RCC1L: variants seen among roughly 807,000 people sequenced by gnomAD.
RCC1L encodes the protein RCC1 like, also known as RCC1-like G exchanging factor-like protein.
Under a neutral mutation model 58.6 loss-of-function variants are expected in RCC1L, and 46 were observed. The ratio of observed to expected loss-of-function variants is 0.79; its 90% confidence interval spans 0.62 to 1.00. The LOEUF is 1.00. Among genes scored for constraint, RCC1L ranks in the 50% least tolerant of loss-of-function variants. The pLI is 0.00. For synonymous variants in RCC1L, 281 were observed against 262.9 expected, an observed-to-expected ratio of 1.07 and a Z score of -0.67; for missense variants, 636 against 623.6, an observed-to-expected ratio of 1.02 and a Z score of -0.21.
intron 9 of RCC1L, among the ~76,000 whole-genome samples, chr7:75,054,685 G>A (rs1806021030): frequency 6.6e-6 from 1 of 152,194 alleles, no homozygotes; most frequent in Admixed American, 6.5e-5. Context: ...GGGAGGCTGA[G>A]GCAGGAGAAT....
At chr7:75,044,541 G>A (rs1563072219) in intron 10 of RCC1L, among the ~76,000 whole-genome samples, 1 of 139,268 alleles carries the variant, frequency 7.2e-6, no homozygotes, top group South Asian at 2.5e-4. Flanking sequence ...GGAGGTTGCA[G>A]TGAGCTGAGA....
At chr7:75,051,451 G>C (rs1805914043) in intron 10 of RCC1L, among the ~76,000 whole-genome samples, 1 of 150,104 alleles carries the variant, frequency 6.7e-6, no homozygotes, top group East Asian at 2.0e-4. Flanking sequence ...TCCCTCTGTT[G>C]CCCAGGCTGG....
chr7:75,071,952 T>A (rs1171284335), intron 1 of RCC1L, among the ~76,000 whole-genome samples: 2 of 150,734 alleles, frequency 1.3e-5, no homozygotes, highest in African/African-American at 4.9e-5. Context: ...CCTGTCTCTA[T>A]GAAAAAATCA....
At chr7:75,045,100 C>T (rs1805680075) in intron 10 of RCC1L, among the ~76,000 whole-genome samples, 1 of 152,130 alleles carries the variant, frequency 6.6e-6, no homozygotes, top group Admixed American at 6.5e-5. Context: ...GCTTAACCTC[C>T]TGGGCTCAAG....
At chr7:75,039,335 T>G (rs1805494574), downstream of RCC1L, among the ~76,000 whole-genome samples, 1 of 152,230 alleles carries the variant, frequency 6.6e-6, no homozygotes, top group African/African-American at 2.4e-5. Context: ...GCCTTCTCTT[T>G]AGGGCATTAT....
chr7:75,041,503 G>A (rs1183764189), downstream of RCC1L, among the ~76,000 whole-genome samples: 3 of 152,244 alleles, frequency 2.0e-5, no homozygotes, highest in African/African-American at 7.2e-5. Context: ...TCCAGCCTGT[G>A]ACATGAGTAC....
At chr7:75,071,021 A>G (rs1298206951) in intron 1 of RCC1L, among the ~76,000 whole-genome samples, 1 of 152,020 alleles carries the variant, frequency 6.6e-6, no homozygotes, top group African/African-American at 2.4e-5. Flanking sequence ...ACGTCTGGCT[A>G]ACTTCTGTAT....
chr7:75,055,077 G>T (rs939049535), intron 9 of RCC1L, among the ~76,000 whole-genome samples: 5 of 152,200 alleles, frequency 3.3e-5, no homozygotes, highest in Non-Finnish European at 1.5e-5. Context: ...AACCAAAGAT[G>T]ACACCAACTG....
chr7:75,070,232 TCTATTTCTTTG>T (rs1806670543), intron 2 of RCC1L, among the ~76,000 whole-genome samples: 5 of 152,312 alleles, frequency 3.3e-5, no homozygotes, highest in Admixed American at 3.3e-4. Context: ...TAAGTCTTCC[TCTATTTCTTTG>T]CTATTTCTTT....
rs1025276945 is a variant in RCC1L at position 75,036,560 on chromosome 7, G to T, written c.1318-8481C>A. The stretch of plus-strand genomic sequence containing the variant: ...GCTCCTGGCATACAGTACGTGCTGA[G>T]GAGCACGTGGTTTATCAATCATCTT... On this transcript the variant is annotated intron_variant, in intron 10 of 10. Transcript: ENST00000614461. Among the ~76,000 whole-genome samples, 9 of 152,190 alleles carry T rather than the reference G, an allele frequency of 5.9e-5. No individual in the cohort carries two copies. The South Asian group carries it at 1.9e-3, about 32-fold the overall frequency.
intron 10 of RCC1L, among the ~76,000 whole-genome samples, chr7:75,050,529 G>A (rs1386744937): frequency 6.6e-6 from 1 of 152,176 alleles, no homozygotes; most frequent in Admixed American, 6.5e-5. Context: ...ACCCTCGTCA[G>A]CGTTCTTTCA....
chr7:75,051,053 C>T (rs1805887715), intron 10 of RCC1L, among the ~76,000 whole-genome samples: 1 of 151,876 alleles, frequency 6.6e-6, no homozygotes, highest in African/African-American at 2.4e-5. Context: ...GTGATCACAT[C>T]ACTGCAATCC....
rs1805613771 is a variant in RCC1L, at chr7:75,043,076, A to G, written c.1351T>C (p.Cys451Arg). Residue 451 changes from cysteine to arginine, a missense_variant, in exon 11 of 11, where the codon TGT becomes CGT. Physicochemically the swap from Cys to Arg is radical, Grantham distance 180. Transcript: ENST00000610322. ...AGGGTCACCATGTGGTCCACGCCAC[A>G]TGCCACGTCCACAGGCTCCCCAGGC... is the stretch of plus-strand genomic sequence containing the variant. The part of the protein sequence containing the change: ...TMPGEPVDVA[C>R]GVDHMVTLAK... 6.2e-7 allele frequency: 1 copy of G among 1,613,914 alleles called. No individual in the cohort carries two copies. Among genetic ancestry groups the G allele is most frequent in the South Asian group, 1.1e-5 (1 of 91,084 alleles).
chr7:75,054,122 C>T (rs1402269108), intron 9 of RCC1L, among the ~76,000 whole-genome samples: 2 of 152,134 alleles, frequency 1.3e-5, no homozygotes, highest in Admixed American at 1.3e-4. Context: ...AGGCTAGTCT[C>T]GAACTCCTGG....
chr7:75,029,362 CTTTTTTTTTTT>C (rs1177516960), intron 10 of RCC1L, among the ~76,000 whole-genome samples: 2 of 126,194 alleles, frequency 1.6e-5, no homozygotes, highest in African/African-American at 5.9e-5. Context: ...ATGGGGGGAT[CTTTTTTTTTTT>C]TTTTTTTTGA....
At position 75,070,132 on chromosome 7, in the gene RCC1L, C is replaced by T. The variant is rs77133051; in HGVS notation, c.454+508G>A. ...AACATCTTTACTTATCTGCAAATGC[C>T]AGGTGCTTGCCTTTTGCCTGAGGGT... On this transcript the variant is annotated intron_variant, in intron 2 of 10. Transcript: ENST00000610322. Among the ~76,000 whole-genome samples the T allele has an allele frequency of 5.8e-3, 878 of 152,276 alleles. 14 individuals carry two copies. Among genetic ancestry groups the T allele is most frequent in the African/African-American group, 0.02 (843 of 41,556 alleles).
At position 75,042,423 on chromosome 7, in the gene RCC1L, C is replaced by A; in HGVS notation, c.*609G>T. On this transcript the variant is annotated 3_prime_UTR_variant, in exon 11 of 11. Transcript: ENST00000610322. ...TAACTTTTCCAAGCCAGGCAGTGAG[C>A]GTGGTGGGAGGCTGGGGCTGGTGCC... 1.0e-6 allele frequency: 1 copy of A among 986,276 alleles called. No individual in the cohort carries two copies. The allele number at this position is 986,276 out of a possible 1,614,324, so 61.1% of individuals were successfully genotyped here.
At chr7:75,059,002 C>A (rs1228552147) in intron 6 of RCC1L, among the ~76,000 whole-genome samples, 31 of 142,100 alleles carry the variant, frequency 2.2e-4, no homozygotes, top group African/African-American at 7.9e-4. Context: ...CATGGCGAAA[C>A]CCTGTCTCTA....
intron 6 of RCC1L, among the ~76,000 whole-genome samples, chr7:75,059,430 C>A (rs1165969783): frequency 6.6e-6 from 1 of 151,616 alleles, no homozygotes; most frequent in Non-Finnish European, 1.5e-5. Flanking sequence ...ACCACCACAG[C>A]CGGCTAATTT....
Sources: allele counts gnomAD v4.1 joint callset (sites outside exome capture counted in the v4.1 genomes callset), GRCh38; gene constraint gnomAD v4.1.1; transcripts MANE v1.5; gene names NCBI Gene and HGNC (gene_info 2026-07-23, HGNC 2026-07-21).